PEX5L: variants seen among roughly 807,000 people sequenced by gnomAD.
PEX5L encodes PEX5-related protein.
Under a neutral mutation model 84.0 loss-of-function variants are expected in PEX5L, and 30 were observed. The ratio of observed to expected loss-of-function variants is 0.36; its 90% confidence interval spans 0.27 to 0.48. The LOEUF (loss-of-function observed/expected upper bound fraction) is 0.48. Among genes scored for constraint, PEX5L ranks in the 20% least tolerant of loss-of-function variants. The pLI is 0.99. For missense variants in PEX5L, 533 were observed against 754.6 expected (o/e 0.71, Z 3.44); for synonymous variants, 270 against 283.1 (o/e 0.95, Z 0.46).
rs34537913 is a variant in PEX5L, at chr3:179,923,290, C to CA, written c.94-25045dup. ...TGGGCGACAGAGCGAGACTCCATCTCAAAAAAAAAAAAAAAAAAAAACACC... is the reference window on the plus strand; with the variant it reads ...TGGGCGACAGAGCGAGACTCCATCTCAAAAAAAAAAAAAAAAAAAAAACACC... On this transcript the variant is annotated intron_variant, in intron 2 of 14. Transcript: ENST00000467460. Among the ~76,000 whole-genome samples the CA allele has an allele frequency of 9.5e-3, 768 of 81,066 alleles. 17 individuals are homozygous for CA. The highest frequency in any genetic ancestry group is 0.059 in the Admixed American group (403 of 6,774). The allele number at this position is 81,066 out of a possible 152,430, so 53.2% of individuals were successfully genotyped here.
chr3:179,965,815 G>A (rs1560959381), intron 2 of PEX5L, among the ~76,000 whole-genome samples: 1 of 152,132 alleles, frequency 6.6e-6, no homozygotes, highest in Non-Finnish European at 1.5e-5. Context: ...CAAATTATCA[G>A]TAACTCAGAA....
At chr3:179,922,451 CTTTTTTTT>C (rs35332742) in intron 2 of PEX5L, among the ~76,000 whole-genome samples, 1 of 134,052 alleles carries the variant, frequency 7.5e-6, no homozygotes, top group Non-Finnish European at 1.6e-5. Flanking sequence ...CTTTTCTTTT[CTTTTTTTT>C]TTTTTTTTTG....
chr3:179,879,897 T>G, intron 5 of PEX5L, 32 bp downstream of exon 5: 1 of 1,470,368 alleles, frequency 6.8e-7, no homozygotes, highest in Non-Finnish European at 9.2e-7. Flanking sequence ...AGAGCAAGGT[T>G]GAGCATCCAT....
At chr3:179,986,450 T>C (rs1786834803) in intron 1 of PEX5L, among the ~76,000 whole-genome samples, 1 of 146,308 alleles carries the variant, frequency 6.8e-6, no homozygotes, top group Non-Finnish European at 1.5e-5. Flanking sequence ...TCACCCAGGC[T>C]GGAGTGCAGT....
At chr3:179,823,320 T>G (rs532127522) in intron 8 of PEX5L, among the ~76,000 whole-genome samples, 116 of 152,274 alleles carry the variant, frequency 7.6e-4, no homozygotes, top group African/African-American at 2.7e-3. Flanking sequence ...TAATGGACTG[T>G]TACGCAGCAA....
intron 1 of PEX5L, among the ~76,000 whole-genome samples, chr3:180,026,128 GCATT>G (rs1790926802): frequency 7.6e-6 from 1 of 130,862 alleles, no homozygotes. Context: ...AAGCCTTTCA[GCATT>G]CTTTTTTTTT....
At chr3:179,942,466 C>A (rs1200403017) in intron 2 of PEX5L, among the ~76,000 whole-genome samples, 1 of 152,226 alleles carries the variant, frequency 6.6e-6, no homozygotes, top group African/African-American at 2.4e-5. Context: ...GCGCCCGCTG[C>A]GCGCATGCCC....
At chr3:179,931,459 G>A (rs1314066230) in intron 2 of PEX5L, among the ~76,000 whole-genome samples, 3 of 152,190 alleles carry the variant, frequency 2.0e-5, no homozygotes, top group African/African-American at 4.8e-5. Flanking sequence ...ATCTCTTCAC[G>A]GTCTGCTTTC....
At chr3:179,975,825 G>A (rs1372335373) in intron 1 of PEX5L, among the ~76,000 whole-genome samples, 1 of 152,074 alleles carries the variant, frequency 6.6e-6, no homozygotes, top group African/African-American at 2.4e-5. Context: ...GCTTTTCCTT[G>A]AAGACTTTGA....
chr3:180,021,775 T>A (rs1340765823), intron 1 of PEX5L, among the ~76,000 whole-genome samples: 2 of 152,212 alleles, frequency 1.3e-5, no homozygotes, highest in Non-Finnish European at 2.9e-5. Flanking sequence ...GAGACTGGTG[T>A]TAAGTTGGGG....
At chr3:179,948,141 T>C (rs1778104938) in intron 2 of PEX5L, among the ~76,000 whole-genome samples, 1 of 152,236 alleles carries the variant, frequency 6.6e-6, no homozygotes, top group African/African-American at 2.4e-5. Context: ...TAAAATGTGT[T>C]TGACTTTCCA....
intron 1 of PEX5L, among the ~76,000 whole-genome samples, chr3:180,025,954 G>A (rs190685663): frequency 9.6e-4 from 146 of 152,238 alleles, no homozygotes; most frequent in African/African-American, 3.3e-3. Context: ...TGAGGAAAGC[G>A]GGGGTTAGGG....
At chr3:179,980,727 G>A (rs774634057) in intron 1 of PEX5L, among the ~76,000 whole-genome samples, 1 of 152,096 alleles carries the variant, frequency 6.6e-6, no homozygotes, top group Non-Finnish European at 1.5e-5. Flanking sequence ...CTGGACATGT[G>A]ACAATCAGTT....
Position 179,916,965 on chromosome 3 carries a change from C to T in PEX5L, c.94-18719G>A, listed in dbSNP as rs151298924. ...GATTACAGGAGTGAACCACCATGCC[C>T]GACCTAAAAAATCCCTTTTTGATCC... On this transcript the variant is annotated intron_variant, in intron 2 of 14. Transcript: ENST00000467460. Among the ~76,000 whole-genome samples, 3 of 151,720 alleles carry T rather than the reference C, an allele frequency of 2.0e-5. No homozygotes were observed. In the East Asian group the frequency reaches 5.8e-4, roughly 29 times the overall value.
intron 1 of PEX5L, among the ~76,000 whole-genome samples, chr3:180,007,195 C>T (rs1216152536): frequency 1.3e-5 from 2 of 152,140 alleles, no homozygotes; most frequent in Non-Finnish European, 1.5e-5. Context: ...CTGGCCAAAA[C>T]GAACGGGTAA....
At chr3:179,861,994 T>C in intron 7 of PEX5L, among the ~76,000 whole-genome samples, 1 of 152,206 alleles carries the variant, frequency 6.6e-6, no homozygotes, top group East Asian at 1.9e-4. Context: ...CTGGTTGACT[T>C]GAAAGGACAG....
intron 3 of PEX5L, among the ~76,000 whole-genome samples, chr3:179,889,171 T>G (rs1756852105): frequency 6.6e-6 from 1 of 152,184 alleles, no homozygotes; most frequent in East Asian, 1.9e-4. Flanking sequence ...CAAATCAAAA[T>G]ATTTTATATT....
intron 9 of PEX5L, among the ~76,000 whole-genome samples, chr3:179,818,363 C>T (rs1013661248): frequency 6.6e-6 from 1 of 151,898 alleles, no homozygotes; most frequent in Non-Finnish European, 1.5e-5. Flanking sequence ...CAGGCATACA[C>T]GTATGTGATG....
intron 3 of PEX5L, chr3:179,896,312 C>G (rs747609032): frequency 2.6e-5 from 4 of 152,086 alleles, no homozygotes; most frequent in Admixed American, 2.6e-4. Context: ...TTTGCTGATT[C>G]ATAAACCGGC....
Sources: allele counts gnomAD v4.1 joint callset (sites outside exome capture counted in the v4.1 genomes callset), GRCh38; gene constraint gnomAD v4.1.1; transcripts MANE v1.5; gene names NCBI Gene and HGNC (gene_info 2026-07-23, HGNC 2026-07-21).